The following FARS2 variants were observed in gnomAD, a reference collection of about 807,000 sequenced individuals.
FARS2 encodes phenylalanyl-tRNA synthetase 2, mitochondrial, also known as phenylalanine--tRNA ligase, mitochondrial.
A neutral mutation model predicts 46.4 loss-of-function variants in FARS2; 40 were observed. That is an observed-to-expected ratio of 0.86 (90% CI 0.67 to 1.12). FARS2 has a LOEUF of 1.12. Among genes scored for constraint, FARS2 ranks in the 50% most tolerant of loss-of-function variants. The pLI is 0.00. For missense variants in FARS2, 513 were observed against 567.9 expected (o/e 0.90, Z 0.98); for synonymous variants, 234 against 214.9 (o/e 1.09, Z -0.78).
intron 4 of FARS2, among the ~76,000 whole-genome samples, chr6:5,528,575 C>G (rs546139086): frequency 6.6e-6 from 1 of 152,200 alleles, no homozygotes; most frequent in South Asian, 2.1e-4. Flanking sequence ...CATCCCAGAT[C>G]GAGCACTTGC....
At chr6:5,266,418 C>T (rs1765554481) in intron 1 of FARS2, among the ~76,000 whole-genome samples, 1 of 152,064 alleles carries the variant, frequency 6.6e-6, no homozygotes, top group Admixed American at 6.5e-5. Flanking sequence ...GTAATCCCAG[C>T]ACTGTGGGAG....
intron 6 of FARS2, among the ~76,000 whole-genome samples, chr6:5,756,070 C>T (rs1317033310): frequency 6.6e-6 from 1 of 152,214 alleles, no homozygotes; most frequent in Non-Finnish European, 1.5e-5. Flanking sequence ...AATACCCACA[C>T]CGGGCAGGAA....
intron 6 of FARS2, among the ~76,000 whole-genome samples, chr6:5,763,712 T>C (rs1561843454): frequency 6.6e-6 from 1 of 151,612 alleles, no homozygotes; most frequent in African/African-American, 2.4e-5. Flanking sequence ...GAAAACCGTA[T>C]AGAGTCATGA....
chr6:5,373,011 A>C (rs1033531241), intron 2 of FARS2, among the ~76,000 whole-genome samples: 3 of 152,154 alleles, frequency 2.0e-5, no homozygotes, highest in African/African-American at 7.2e-5. Context: ...AAAACCAAAT[A>C]CCGCAGACAA....
intron 6 of FARS2, among the ~76,000 whole-genome samples, chr6:5,704,859 C>T (rs1315773088): frequency 2.0e-5 from 3 of 152,150 alleles, no homozygotes; most frequent in South Asian, 2.1e-4. Flanking sequence ...TGTCTGTTAA[C>T]GGAATTCTGT....
chr6:5,461,734 T>G (rs916536376), intron 4 of FARS2, among the ~76,000 whole-genome samples: 6 of 152,238 alleles, frequency 3.9e-5, no homozygotes, highest in African/African-American at 1.4e-4. Context: ...GCACAGTGTT[T>G]TGCGGTTCAT....
At chr6:5,515,310 G>T (rs978910879) in intron 4 of FARS2, among the ~76,000 whole-genome samples, 2 of 152,148 alleles carry the variant, frequency 1.3e-5, no homozygotes, top group African/African-American at 4.8e-5. Context: ...ATTACCATGT[G>T]GAACGAAAAC....
At chr6:5,350,188 T>TTG (rs1561976553) in intron 1 of FARS2, among the ~76,000 whole-genome samples, 1 of 132,780 alleles carries the variant, frequency 7.5e-6, no homozygotes. Flanking sequence ...TTTTTTTTTT[T>TTG]GTAGAGTTGG....
At position 5,764,662 on chromosome 6, in the gene FARS2, C is replaced by T. The variant is rs948930761; in HGVS notation, c.1218-6629C>T. 1.3e-4 allele frequency among the ~76,000 whole-genome samples: 20 copies of T among 152,126 alleles called. 1 individual carries two copies. Among genetic ancestry groups the T allele is most frequent in the African/African-American group, 3.6e-4 (15 of 41,386 alleles). On this transcript the variant is annotated intron_variant, in intron 6 of 6. Coordinates refer to ENST00000274680, the MANE Select transcript of FARS2 (RefSeq NM_006567.5). The surrounding 1 kb of genome is among the most constrained non-coding windows in gnomAD (Gnocchi z 4.1). ...GTGATCTATTCTGGGAGGTGTTGAG[C>T]GCACCATCCAAGAACATGAAGTCGC...
intron 6 of FARS2, among the ~76,000 whole-genome samples, chr6:5,639,757 T>C (rs772497967): frequency 2.6e-5 from 4 of 152,218 alleles, no homozygotes; most frequent in Non-Finnish European, 4.4e-5. Flanking sequence ...CAACACTTCG[T>C]TGATGACCAG....
chr6:5,419,152 G>A (rs552973893), intron 3 of FARS2, among the ~76,000 whole-genome samples: 1 of 152,130 alleles, frequency 6.6e-6, no homozygotes, highest in African/African-American at 2.4e-5. Flanking sequence ...AAGGGTGGCT[G>A]GTGTTTTCCT....
At chr6:5,572,426 AG>A (rs1772709637) in intron 5 of FARS2, among the ~76,000 whole-genome samples, 1 of 152,162 alleles carries the variant, frequency 6.6e-6, no homozygotes, top group South Asian at 2.1e-4. Context: ...ACCTCGCACC[AG>A]GACCCACCTC....
intron 6 of FARS2, among the ~76,000 whole-genome samples, chr6:5,638,552 G>A (rs1234894450): frequency 2.0e-5 from 3 of 152,152 alleles, no homozygotes; most frequent in African/African-American, 7.2e-5. Flanking sequence ...CTGACAGAGC[G>A]AGACTCTGTC....
intron 1 of FARS2, among the ~76,000 whole-genome samples, chr6:5,344,482 G>A (rs1262465290): frequency 6.6e-6 from 1 of 152,172 alleles, no homozygotes; most frequent in Non-Finnish European, 1.5e-5. Flanking sequence ...GAAAGGCCAA[G>A]TGCAGGCAAC....
At chr6:5,683,400 G>A (rs1779130344) in intron 6 of FARS2, among the ~76,000 whole-genome samples, 1 of 152,102 alleles carries the variant, frequency 6.6e-6, no homozygotes, top group Non-Finnish European at 1.5e-5. Context: ...TATTATTCCT[G>A]GGTGAACATT....
At chr6:5,252,680 G>A in the FARS2 span, among the ~76,000 whole-genome samples, 1 of 152,032 alleles carries the variant, frequency 6.6e-6, no homozygotes, top group African/African-American at 2.4e-5. Flanking sequence ...TGATATAAAC[G>A]TAATGAAGTT....
chr6:5,378,215 T>C (rs1177253737), intron 2 of FARS2, among the ~76,000 whole-genome samples: 1 of 151,992 alleles, frequency 6.6e-6, no homozygotes, highest in African/African-American at 2.4e-5. Flanking sequence ...TTTAGGAGCG[T>C]AGAAGGATGT....
At chr6:5,763,035 G>C (rs892979976) in intron 6 of FARS2, among the ~76,000 whole-genome samples, 4 of 152,142 alleles carry the variant, frequency 2.6e-5, no homozygotes, top group African/African-American at 9.7e-5. Context: ...AGATGGAGGG[G>C]GCGAAGAAGT....
chr6:5,342,876 T>C (rs955144930), intron 1 of FARS2, among the ~76,000 whole-genome samples: 3 of 151,876 alleles, frequency 2.0e-5, no homozygotes, highest in Admixed American at 6.6e-5. Context: ...TGAGAGAGAA[T>C]TGAGAAAAGA....
Sources: allele counts gnomAD v4.1 joint callset (sites outside exome capture counted in the v4.1 genomes callset), GRCh38; gene constraint gnomAD v4.1.1; non-coding constraint Gnocchi (gnomAD v3.1); transcripts MANE v1.5; gene names NCBI Gene and HGNC (gene_info 2026-07-23, HGNC 2026-07-21).